EFHC2: variants seen among roughly 807,000 people sequenced by gnomAD.
The protein encoded by EFHC2 is EF-hand domain-containing family member C2.
EFHC2 carries 18 observed loss-of-function variants against 52.7 expected under a neutral mutation model. The observed-to-expected ratio is 0.34, with a 90% confidence interval of 0.24 to 0.51. EFHC2 has a LOEUF of 0.51. Among genes scored for constraint, EFHC2 ranks in the 20% least tolerant of loss-of-function variants. The pLI is 0.97. For synonymous variants in EFHC2, 203 were observed against 204.1 expected, an observed-to-expected ratio of 0.99 and a Z score of 0.04; for missense variants, 513 against 562.5, an observed-to-expected ratio of 0.91 and a Z score of 0.89.
At chrX:44,247,246 C>T (rs1474290504) in intron 7 of EFHC2, among the ~76,000 whole-genome samples, 1 of 112,239 alleles carries the variant, frequency 8.9e-6, no homozygotes, top group African/African-American at 3.2e-5. Context: ...TCACTCTAAC[C>T]CCCTTGTGTA....
intron 11 of EFHC2, among the ~76,000 whole-genome samples, chrX:44,212,597 C>T (rs1301429023): frequency 9.0e-6 from 1 of 111,454 alleles, no homozygotes; most frequent in African/African-American, 3.3e-5. Context: ...AGTCCAAGGG[C>T]ACAGGCTCAC....
intron 14 of EFHC2, among the ~76,000 whole-genome samples, chrX:44,157,960 C>T (rs1217633877): frequency 3.6e-5 from 4 of 111,385 alleles, no homozygotes; most frequent in Non-Finnish European, 7.5e-5. Context: ...CTTCAAGATT[C>T]CCCATCACTA....
intron 1 of EFHC2, among the ~76,000 whole-genome samples, chrX:44,336,783 A>G (rs759054178): frequency 8.9e-6 from 1 of 112,344 alleles, no homozygotes; most frequent in Non-Finnish European, 1.9e-5. Flanking sequence ...GTGGCAAAAT[A>G]TAAACACAGA....
chrX:44,297,834 G>A (rs1276305483), intron 2 of EFHC2, among the ~76,000 whole-genome samples: 4 of 107,903 alleles, frequency 3.7e-5, no homozygotes, highest in Non-Finnish European at 7.7e-5. Context: ...CGAAGACAAA[G>A]TAAGGAAAGG....
chrX:44,181,980 T>C (rs1031059563), intron 11 of EFHC2, among the ~76,000 whole-genome samples: 1 of 112,477 alleles, frequency 8.9e-6, no homozygotes, highest in African/African-American at 3.2e-5. Flanking sequence ...TTGTGACATT[T>C]AGTATATTCA....
intron 1 of EFHC2, among the ~76,000 whole-genome samples, chrX:44,336,801 G>A (rs890820653): frequency 8.9e-5 from 10 of 111,993 alleles, no homozygotes; most frequent in African/African-American, 3.2e-4. Context: ...AGATTTCAGA[G>A]TGGAGAGGTA....
chrX:44,343,447 G>T, intron 1 of EFHC2, 100 bp downstream of exon 1: 1 of 1,057,184 alleles, frequency 9.5e-7, no homozygotes, highest in Non-Finnish European at 1.3e-6. Context: ...GCAGCAGCAT[G>T]GGGCCTCCAG....
chrX:44,320,899 T>C (rs2038014778), intron 1 of EFHC2, among the ~76,000 whole-genome samples: 1 of 111,195 alleles, frequency 9.0e-6, no homozygotes, highest in African/African-American at 3.3e-5. Context: ...TCTAGAGTCC[T>C]CTAACTTGAG....
At position 44,155,319 on chromosome X, in the gene EFHC2, C is replaced by T. The variant is rs1475767467; in HGVS notation, c.2149-6423G>A. Reference sequence around the variant, plus strand: ...AAATGTAGCTGCCGATCTGTAAAATCGCACACCCTTGAAATGGGAAGCAAA... The same window carrying T: ...AAATGTAGCTGCCGATCTGTAAAATTGCACACCCTTGAAATGGGAAGCAAA... On this transcript the variant is annotated intron_variant, in intron 14 of 14. Coordinates refer to ENST00000420999, the MANE Select transcript of EFHC2 (RefSeq NM_025184.4). Among the ~76,000 whole-genome samples, 7 of 111,954 alleles carry T rather than the reference C, an allele frequency of 6.3e-5. No individual in the cohort carries two copies. In the South Asian group the frequency reaches 1.5e-3, roughly 24 times the overall value.
intron 11 of EFHC2, among the ~76,000 whole-genome samples, chrX:44,213,195 T>C (rs2037114579): frequency 9.0e-6 from 1 of 111,027 alleles, no homozygotes; most frequent in East Asian, 2.8e-4. Context: ...ATAATTAATA[T>C]GCTATGAGTT....
intron 2 of EFHC2, chrX:44,309,529 C>T: frequency 1.7e-6 from 2 of 1,200,235 alleles, no homozygotes; most frequent in Non-Finnish European, 2.3e-6. Context: ...CATTAGAGTG[C>T]AATTCATCCC....
intron 2 of EFHC2, chrX:44,284,637 C>G (rs146045126): frequency 9.0e-6 from 1 of 111,661 alleles, no homozygotes; most frequent in Admixed American, 9.5e-5. Flanking sequence ...ATGAGCAGCT[C>G]CTGTGACAAG....
At chrX:44,176,217 G>T in intron 13 of EFHC2, 75 bp downstream of exon 13, 1 of 789,242 alleles carries the variant, frequency 1.3e-6, no homozygotes, top group Non-Finnish European at 1.8e-6. Context: ...ATTAAAGGGA[G>T]ATGTAAAACC....
chrX:44,286,254 A>T (rs2037747381), intron 2 of EFHC2: 1 of 112,955 alleles, frequency 8.9e-6, no homozygotes, highest in Non-Finnish European at 1.9e-5. Context: ...TAAACAGAAA[A>T]GGCACAGTCA....
chrX:44,262,962 C>T (rs2037552588), intron 3 of EFHC2, among the ~76,000 whole-genome samples: 1 of 112,308 alleles, frequency 8.9e-6, no homozygotes, highest in South Asian at 3.7e-4. Flanking sequence ...CAAACCTATA[C>T]TTTGCTCCAG....
At chrX:44,310,503 G>A in intron 2 of EFHC2, 1 of 478,181 alleles carries the variant, frequency 2.1e-6, no homozygotes, top group East Asian at 3.9e-5. Flanking sequence ...AGGAGAGTGA[G>A]GGGCCGGGAC....
chrX:44,250,175 G>A lies in EFHC2; in HGVS notation c.858+19C>T, dbSNP rs1271599814. The stretch of plus-strand genomic sequence containing the variant: ...CTTGACCCACAAGCAAATTCAAAGT[G>A]GTTATATCCACTGCTCACCTTGGGT... On this transcript the variant is annotated intron_variant, in intron 5 of 14. Transcript: ENST00000420999. The A allele has an allele frequency of 8.3e-7, 1 of 1,203,224 alleles. No individual in the cohort carries two copies. Among genetic ancestry groups the A allele is most frequent in the Admixed American group, 2.2e-5 (1 of 45,669 alleles).
chrX:44,280,514 T>G (rs910921874), intron 2 of EFHC2, among the ~76,000 whole-genome samples: 6 of 112,202 alleles, frequency 5.3e-5, no homozygotes, highest in African/African-American at 1.6e-4. Flanking sequence ...TATTTAATAT[T>G]GTTTTTAAAA....
chrX:44,278,581 C>T (rs1390521180), intron 2 of EFHC2, among the ~76,000 whole-genome samples: 1 of 111,266 alleles, frequency 9.0e-6, no homozygotes, highest in Non-Finnish European at 1.9e-5. Context: ...ATCATTCTCC[C>T]CGGAGGCAGG....
Sources: allele counts gnomAD v4.1 joint callset (sites outside exome capture counted in the v4.1 genomes callset), GRCh38; gene constraint gnomAD v4.1.1; transcripts MANE v1.5; gene names NCBI Gene and HGNC (gene_info 2026-07-23, HGNC 2026-07-21).